ANKRD29: variants seen among roughly 807,000 people sequenced by gnomAD.
ANKRD29 encodes the protein ankyrin repeat domain-containing protein 29.
ANKRD29 carries 32 observed loss-of-function variants against 38.0 expected under a neutral mutation model. The observed-to-expected ratio is 0.84, with a 90% CI of 0.64 to 1.13. The LOEUF is 1.13. ANKRD29 is among the 50% of genes most tolerant of loss of function. The pLI is 0.00. For synonymous variants in ANKRD29, 135 were observed against 152.4 expected (o/e 0.89, Z 0.84); for missense variants, 357 against 377.9 (o/e 0.94, Z 0.46).
chr18:23,619,572 C>T lies in ANKRD29; in HGVS notation c.586G>A (p.Val196Met). Residue 196 changes from valine to methionine, a missense_variant, in exon 7 of 10, where the codon GTG (valine) becomes ATG (methionine). By Grantham distance (21) the Val-to-Met change is conservative. Coordinates refer to ENST00000592179, the MANE Select transcript of ANKRD29 (RefSeq NM_173505.4). ...SQMGHSEVVRVMLLRGADRDA... is the reference protein window; with the variant it reads ...SQMGHSEVVRMMLLRGADRDA... ...CGGTCGGCTCCGCGCAGCAGCATCA[C>T]CCGCACCACCTCGCTGTGGCCCATC... is the stretch of plus-strand genomic sequence containing the variant. 1.3e-6 allele frequency: 2 copies of T among 1,597,876 alleles called. No individual in the cohort carries two copies. The highest frequency in any genetic ancestry group is 1.7e-4 in the Middle Eastern group (1 of 6,050).
intron 4 of ANKRD29, among the ~76,000 whole-genome samples, chr18:23,636,676 C>T (rs751676505): frequency 2.0e-5 from 3 of 152,088 alleles, no homozygotes; most frequent in Non-Finnish European, 2.9e-5. Flanking sequence ...CAGGCTCAAG[C>T]GATCCTCTCA....
At chr18:23,613,476 G>A (rs1227621106) in intron 8 of ANKRD29, among the ~76,000 whole-genome samples, 1 of 151,762 alleles carries the variant, frequency 6.6e-6, no homozygotes, top group Non-Finnish European at 1.5e-5. Flanking sequence ...CTGACCAGGA[G>A]TTTTTAAAAA....
chr18:23,644,326 A>C (rs1428013073), intron 3 of ANKRD29, among the ~76,000 whole-genome samples: 1 of 152,238 alleles, frequency 6.6e-6, no homozygotes, highest in Admixed American at 6.5e-5. Flanking sequence ...CCAGATCTGG[A>C]CCATATTGTT....
At chr18:23,623,809 A>T (rs377320041) in intron 6 of ANKRD29, among the ~76,000 whole-genome samples, 8 of 150,734 alleles carry the variant, frequency 5.3e-5, no homozygotes, top group Non-Finnish European at 1.2e-4. Context: ...CGCCCGGCTA[A>T]TTTTTTTTTA....
chr18:23,602,578 CA>C (rs2059527810), intron 9 of ANKRD29, among the ~76,000 whole-genome samples: 1 of 152,064 alleles, frequency 6.6e-6, no homozygotes, highest in Non-Finnish European at 1.5e-5. Flanking sequence ...TTTATACTCT[CA>C]AAAATTACTG....
In ANKRD29 at chr18:23,659,834, G is replaced by T. The variant is rs917680291; in HGVS notation, c.21+2876C>A. On this transcript the variant is annotated intron_variant, in intron 1 of 9. Coordinates refer to ENST00000592179, the MANE Select transcript of ANKRD29 (RefSeq NM_173505.4). ...GTTTTAAAAATGACTGCATCGGCCA[G>T]GCGCGGTGGCCCACGCCTATAATCC... 1.1e-4 allele frequency among the ~76,000 whole-genome samples: 16 copies of T among 152,104 alleles called. No homozygotes were observed. The East Asian group carries it at 3.1e-3, about 30-fold the overall frequency.
chr18:23,646,522 C>A (rs1032542520), intron 2 of ANKRD29: 26 of 425,112 alleles, frequency 6.1e-5, no homozygotes, highest in Non-Finnish European at 8.9e-5. Flanking sequence ...ACTTCCATTA[C>A]CTTCAGAAGC....
intron 6 of ANKRD29, 21 bp from the exon 7 acceptor site, chr18:23,619,650 G>C (rs2059771267): frequency 6.5e-7 from 1 of 1,529,042 alleles, no homozygotes; most frequent in East Asian, 2.4e-5. Flanking sequence ...AGGAGGCGGC[G>C]GCCGCCGTGA....
chr18:23,628,750 C>A (rs1598491176), intron 6 of ANKRD29, among the ~76,000 whole-genome samples: 1 of 149,474 alleles, frequency 6.7e-6, no homozygotes, highest in African/African-American at 2.5e-5. Flanking sequence ...GGCTGAGGCA[C>A]AAGAACCCAG....
At chr18:23,606,497 G>A (rs28440046) in intron 9 of ANKRD29, among the ~76,000 whole-genome samples, 1,571 of 152,174 alleles carry the variant, frequency 0.01, 23 homozygotes, top group African/African-American at 0.036. Flanking sequence ...CTTTTGTAGA[G>A]AGGGGGTCTT....
chr18:23,650,908 T>A (rs1432146793), intron 1 of ANKRD29, among the ~76,000 whole-genome samples: 3 of 152,246 alleles, frequency 2.0e-5, no homozygotes, highest in Non-Finnish European at 4.4e-5. Context: ...TATAAAAGTA[T>A]TCACATTGTT....
chr18:23,627,357 A>T (rs1229847875), intron 6 of ANKRD29, among the ~76,000 whole-genome samples: 1 of 152,218 alleles, frequency 6.6e-6, no homozygotes, highest in Non-Finnish European at 1.5e-5. Flanking sequence ...AAACAATTTC[A>T]TTAGATGCAG....
chr18:23,658,381 G>A (rs779289287), intron 1 of ANKRD29, among the ~76,000 whole-genome samples: 11 of 152,210 alleles, frequency 7.2e-5, no homozygotes, highest in Non-Finnish European at 1.2e-4. Flanking sequence ...CTGGGCAGGC[G>A]ACAGAGTGAG....
At chr18:23,608,553 T>C (rs1407051798) in intron 9 of ANKRD29, among the ~76,000 whole-genome samples, 1 of 152,260 alleles carries the variant, frequency 6.6e-6, no homozygotes, top group East Asian at 1.9e-4. Context: ...AGTTTCTATA[T>C]ACAGGTACTA....
Position 23,608,634 on chromosome 18 carries a change from A to G in ANKRD29, c.822+3458T>C, listed in dbSNP as rs547753733. ...AAATTAAGACAGTGAAAGAAATCAG[A>G]CCTAACCAACTCCATCTTGCTTCTA... On this transcript the variant is annotated intron_variant, in intron 9 of 9. Transcript: ENST00000592179. Among the ~76,000 whole-genome samples, 20 of 152,280 alleles carry G rather than the reference A, an allele frequency of 1.3e-4. No individual in the cohort carries two copies. The East Asian group carries it at 3.9e-3, about 29-fold the overall frequency.
chr18:23,637,266 G>A (rs1251842413), intron 4 of ANKRD29, among the ~76,000 whole-genome samples: 1 of 152,068 alleles, frequency 6.6e-6, no homozygotes, highest in Non-Finnish European at 1.5e-5. Context: ...AACTAATAAT[G>A]TAAAAAAATA....
chr18:23,605,396 C>T (rs1269091411), intron 9 of ANKRD29, among the ~76,000 whole-genome samples: 2 of 151,908 alleles, frequency 1.3e-5, no homozygotes, highest in African/African-American at 2.4e-5. Context: ...GAGATAGGGT[C>T]TTGCTATGTT....
intron 1 of ANKRD29, among the ~76,000 whole-genome samples, chr18:23,651,264 T>C (rs978465321): frequency 1.3e-5 from 2 of 152,094 alleles, no homozygotes; most frequent in African/African-American, 4.8e-5. Flanking sequence ...GGGAAAAAAA[T>C]CACCTCCAAT....
intron 3 of ANKRD29, among the ~76,000 whole-genome samples, chr18:23,642,973 A>G (rs1350375155): frequency 6.6e-6 from 1 of 152,168 alleles, no homozygotes; most frequent in East Asian, 1.9e-4. Flanking sequence ...ACAAACTCAC[A>G]TACTTCTCTT....
Sources: gnomAD v4.1 joint callset for allele counts (sites outside exome capture counted in the v4.1 genomes callset) on GRCh38, gnomAD v4.1.1 for gene constraint, MANE v1.5 for transcripts, NCBI Gene and HGNC (gene_info 2026-07-23, HGNC 2026-07-21) for gene names.